ARHGAP22: variants seen among roughly 807,000 people sequenced by gnomAD.
The protein encoded by ARHGAP22 is Rho GTPase activating protein 22, also known as rho GTPase-activating protein 22.
Under a neutral mutation model 59.1 loss-of-function variants are expected in ARHGAP22, and 48 were observed. That is an observed-to-expected ratio of 0.81 (90% confidence interval 0.64 to 1.03). The LOEUF is 1.03. ARHGAP22 is among the 50% of genes least tolerant of loss of function. The pLI is 0.00. For synonymous variants in ARHGAP22, 445 were observed against 416.4 expected (o/e 1.07, Z -0.84); for missense variants, 1,015 against 958.7 (o/e 1.06, Z -0.78).
chr10:48,583,128 C>T lies in ARHGAP22; in HGVS notation c.59G>A (p.Gly20Glu), dbSNP rs1279162972. The T allele has an allele frequency of 1.5e-5, 25 of 1,614,082 alleles. No homozygotes were observed. The highest frequency in any genetic ancestry group is 3.3e-5 in the South Asian group (3 of 91,082). ...CCGCCCAGGGCTCCGGCTCTGCTCC[C>T]CCATCACTAGGCTTTTGGAGCGGGC... ...RRARSKSLVM[G>E]EQSRSPGRMP... The change falls in exon 2 of 10, where the codon GGG becomes GAG. Residue 20 changes from glycine to glutamate, a missense_variant. By Grantham distance (98) the Gly-to-Glu change is moderately conservative (BLOSUM62 -2). Transcript: ENST00000249601.
intron 1 of ARHGAP22, among the ~76,000 whole-genome samples, chr10:48,619,196 AAC>A (rs2061197883): frequency 6.6e-6 from 1 of 152,150 alleles, no homozygotes; most frequent in African/African-American, 2.4e-5. Flanking sequence ...AATTGAAAAG[AAC>A]ACACAAAAAT....
intron 1 of ARHGAP22, among the ~76,000 whole-genome samples, chr10:48,623,302 T>G (rs2061343567): frequency 1.3e-5 from 2 of 152,252 alleles, no homozygotes; most frequent in Non-Finnish European, 2.9e-5. Context: ...CAGGGCAGCC[T>G]GGGTCTGACT....
chr10:48,634,161 G>A (rs1427132613), intron 1 of ARHGAP22, among the ~76,000 whole-genome samples: 2 of 152,186 alleles, frequency 1.3e-5, no homozygotes, highest in Non-Finnish European at 2.9e-5. Flanking sequence ...CGGATTTGAT[G>A]GGAGCAGCCA....
chr10:48,617,628 A>C (rs947260794), intron 1 of ARHGAP22, among the ~76,000 whole-genome samples: 11 of 152,030 alleles, frequency 7.2e-5, no homozygotes, highest in Non-Finnish European at 1.6e-4. Flanking sequence ...GACATTTAAA[A>C]AACTTTCTTG....
At chr10:48,544,179 C>T (rs2056224840) in intron 3 of ARHGAP22, among the ~76,000 whole-genome samples, 1 of 152,098 alleles carries the variant, frequency 6.6e-6, no homozygotes. Flanking sequence ...CTGCCGTCTG[C>T]ATATCGTACT....
chr10:48,577,875 C>T (rs2058848140), intron 2 of ARHGAP22, among the ~76,000 whole-genome samples: 1 of 123,738 alleles, frequency 8.1e-6, no homozygotes, highest in Admixed American at 1.1e-4. Flanking sequence ...TGCAGTAGCG[C>T]TTATCTTGTC....
At chr10:48,642,441 A>G (rs1289973161) in intron 1 of ARHGAP22, among the ~76,000 whole-genome samples, 1 of 152,228 alleles carries the variant, frequency 6.6e-6, no homozygotes, top group Non-Finnish European at 1.5e-5. Context: ...CCACACATCT[A>G]CAACCATCTG....
intron 2 of ARHGAP22, among the ~76,000 whole-genome samples, chr10:48,570,923 G>A (rs181279142): frequency 0.011 from 1,746 of 152,356 alleles, 15 homozygotes; most frequent in Middle Eastern, 0.044. Flanking sequence ...GGACTTCTGG[G>A]AAACTGCCCT....
At chr10:48,588,189 G>C (rs2059543301) in intron 1 of ARHGAP22, among the ~76,000 whole-genome samples, 1 of 150,924 alleles carries the variant, frequency 6.6e-6, no homozygotes, top group African/African-American at 2.4e-5. Flanking sequence ...ATGTTCACTG[G>C]GGCAAGGGTA....
At chr10:48,604,473 C>A (rs2060564468) in intron 1 of ARHGAP22, among the ~76,000 whole-genome samples, 1 of 152,222 alleles carries the variant, frequency 6.6e-6, no homozygotes, top group African/African-American at 2.4e-5. Context: ...ACCAGGTCAC[C>A]TGGAGCGACC....
At chr10:48,642,179 T>C (rs1318614407) in intron 1 of ARHGAP22, among the ~76,000 whole-genome samples, 1 of 152,160 alleles carries the variant, frequency 6.6e-6, no homozygotes, top group Non-Finnish European at 1.5e-5. Context: ...AATTTATAGA[T>C]TCAATGCCAT....
chr10:48,446,001 G>A (rs1298888994), downstream of ARHGAP22: 7 of 267,528 alleles, frequency 2.6e-5, no homozygotes, highest in Admixed American at 2.0e-4. Flanking sequence ...CCTGTATTGC[G>A]AGGCATGAAA....
chr10:48,475,518 T>C (rs556872859), intron 4 of ARHGAP22, among the ~76,000 whole-genome samples: 1 of 152,358 alleles, frequency 6.6e-6, no homozygotes, highest in East Asian at 1.9e-4. Flanking sequence ...TCCCGTAGTC[T>C]TTCTATCTCA....
intron 4 of ARHGAP22, among the ~76,000 whole-genome samples, chr10:48,465,593 C>G (rs147502099): frequency 3.3e-5 from 5 of 152,346 alleles, no homozygotes; most frequent in Admixed American, 6.5e-5. Context: ...TGAGTCCCAC[C>G]CCGAAGGCCG....
chr10:48,495,402 G>A (rs2050813046), intron 3 of ARHGAP22, among the ~76,000 whole-genome samples: 1 of 152,244 alleles, frequency 6.6e-6, no homozygotes, highest in Non-Finnish European at 1.5e-5. Flanking sequence ...TGAGAACACA[G>A]AGGCTACAGA....
chr10:48,495,499 A>G (rs1177123118), intron 3 of ARHGAP22, among the ~76,000 whole-genome samples: 1 of 152,212 alleles, frequency 6.6e-6, no homozygotes, highest in Non-Finnish European at 1.5e-5. Context: ...TTAGTTGCCA[A>G]CTGGTGCCTA....
intron 3 of ARHGAP22, among the ~76,000 whole-genome samples, chr10:48,480,497 A>C (rs1416168795): frequency 1.3e-5 from 2 of 152,206 alleles, no homozygotes; most frequent in Non-Finnish European, 2.9e-5. Flanking sequence ...GTCTTTATAC[A>C]TCCTACCCCC....
At chr10:48,626,528 C>T (rs1178812938) in intron 1 of ARHGAP22, among the ~76,000 whole-genome samples, 1 of 152,202 alleles carries the variant, frequency 6.6e-6, no homozygotes, top group Non-Finnish European at 1.5e-5. Flanking sequence ...GCCACTGTTC[C>T]AGACCCATGG....
intron 2 of ARHGAP22, among the ~76,000 whole-genome samples, chr10:48,570,828 C>T (rs1213766714): frequency 2.6e-5 from 4 of 152,198 alleles, no homozygotes; most frequent in Non-Finnish European, 5.9e-5. Flanking sequence ...TCCCCAGAGA[C>T]CTTCACCTGG....
Sources: allele counts gnomAD v4.1 joint callset (sites outside exome capture counted in the v4.1 genomes callset), GRCh38; gene constraint gnomAD v4.1.1; transcripts MANE v1.5; gene names NCBI Gene and HGNC (gene_info 2026-07-23, HGNC 2026-07-21).